ZSCAN20: variants seen among roughly 807,000 people sequenced by gnomAD.
ZSCAN20 encodes zinc finger and SCAN domain-containing protein 20.
ZSCAN20 carries 39 observed loss-of-function variants against 97.1 expected under a neutral mutation model. The observed-to-expected ratio is 0.40, with a 90% CI of 0.31 to 0.52. ZSCAN20 has a LOEUF of 0.52. Among genes scored for constraint, ZSCAN20 ranks in the 20% least tolerant of loss-of-function variants. ZSCAN20 has a pLI of 0.49. For missense variants in ZSCAN20, 1,115 were observed against 1,290.4 expected, an observed-to-expected ratio of 0.86 and a Z score of 2.08; for synonymous variants, 456 against 467.3, an observed-to-expected ratio of 0.98 and a Z score of 0.31.
Position 33,489,568 on chromosome 1 carries a change from C to A in ZSCAN20, c.732C>A (p.Pro244=). ...KHAEKELCKD[P]PGDDCGNSVC... Reference sequence around the variant, plus strand: ...CTGAGAAGGAGCTCTGTAAAGACCCCCCAGGAGACGACTGTGGGAACAGCG... The same window carrying A: ...CTGAGAAGGAGCTCTGTAAAGACCCACCAGGAGACGACTGTGGGAACAGCG... Residue 244 remains proline, a synonymous_variant, in exon 5 of 8, where the codon CCC becomes CCA. Coordinates refer to ENST00000684572, the MANE Select transcript of ZSCAN20 (RefSeq NM_001377376.1). 6.2e-7 allele frequency: 1 copy of A among 1,614,102 alleles called. No homozygotes were observed. Among genetic ancestry groups the A allele is most frequent in the South Asian group, 1.1e-5 (1 of 91,068 alleles).
At position 33,493,788 on chromosome 1, in the gene ZSCAN20, ATCAG is replaced by A. The variant is rs963512255; in HGVS notation, c.1873+189_1873+192del. On this transcript the variant is annotated intron_variant, in intron 7 of 7. Coordinates refer to ENST00000684572, the MANE Select transcript of ZSCAN20 (RefSeq NM_001377376.1). This position sits in a 1 kb window ranked among gnomAD's most constrained non-coding sequence, Gnocchi z 4.3. ...TCTCTAGCTTTGTGTGATCCCCCGA[ATCAG>A]TCAGTCAGTCAGTCATTCTATCTTT... is the stretch of plus-strand genomic sequence containing the variant. Among the ~76,000 whole-genome samples the A allele has an allele frequency of 5.3e-5, 8 of 152,234 alleles. No homozygotes were observed. The highest frequency in any genetic ancestry group is 8.8e-5 in the Non-Finnish European group (6 of 68,038).
Position 33,491,704 on chromosome 1 carries a change from T to C in ZSCAN20, c.1444+2T>C, listed in dbSNP as rs755194461. On this transcript the variant is annotated splice_donor_variant, in intron 6 of 7. Transcript: ENST00000684572. LOFTEE classifies it high-confidence loss of function. The surrounding 1 kb of genome is among the most constrained non-coding windows in gnomAD (Gnocchi z 4.3). ...CAGCTCTGTTCCAGAGTCGTATTGG[T>C]AAGAACATGGGGGTTTAGTCAGATT... 2 of 1,577,078 alleles carry C rather than the reference T, an allele frequency of 1.3e-6. No individual in the cohort carries two copies. Among genetic ancestry groups the C allele is most frequent in the Admixed American group, 3.8e-5 (2 of 52,628 alleles).
At position 33,497,040 on chromosome 1, in the gene ZSCAN20, A is replaced by C. The variant is rs915767761; in HGVS notation, c.*1564A>C. ...CCCCCTCCTGCCATCCTCTTATGAC[A>C]CTAGGATGTATTCATAACCTGCTTG... On this transcript the variant is annotated 3_prime_UTR_variant, in exon 8 of 8. Coordinates refer to ENST00000684572, the MANE Select transcript of ZSCAN20 (RefSeq NM_001377376.1). Among the ~76,000 whole-genome samples the C allele has an allele frequency of 6.6e-6, 1 of 152,198 alleles. No individual in the cohort carries two copies. Among genetic ancestry groups the C allele is most frequent in the Non-Finnish European group, 1.5e-5 (1 of 68,030 alleles).
In ZSCAN20 at chr1:33,479,437, C is replaced by G. The variant is rs1046586930; in HGVS notation, c.149C>G (p.Ser50Cys). 3.1e-6 allele frequency: 5 copies of G among 1,614,112 alleles called. No individual in the cohort carries two copies. The African/African-American group carries it at 4.0e-5, about 13-fold the overall frequency. ...DRGSVSGPEASRQRFRQFQYR... is the reference protein window; with the variant it reads ...DRGSVSGPEACRQRFRQFQYR... ...GGCTCTGTCTCTGGCCCAGAGGCCT[C>G]CCGCCAGCGCTTCAGGCAATTCCAA... Residue 50 changes from serine (S) to cysteine (C), a missense_variant, in exon 2 of 8, where the codon TCC (serine) becomes TGC (cysteine). Ser to Cys is a moderately radical substitution (Grantham distance 112). This residue lies in a region of ZSCAN20 where 508 missense variants were observed against 611.2 expected (regional missense o/e 0.83). Transcript: ENST00000684572.
Position 33,479,686 on chromosome 1 carries a change from C to T in ZSCAN20, c.398C>T (p.Thr133Ile). 6.4e-7 allele frequency: 1 copy of T among 1,573,218 alleles called. No homozygotes were observed. ...VALVEDWHRE[T>I]RTAGQSGLEL... ...TTGGTGGAGGATTGGCACCGAGAGA[C>T]CAGGACTGCAGGACAGTCGGTGAGA... The change falls in exon 2 of 8, where the codon ACC (threonine) becomes ATC (isoleucine). Residue 133 changes from threonine to isoleucine, a missense_variant. Around this residue, in one of 3 missense-constraint regions of ZSCAN20, gnomAD observed 508 missense variants for 611.2 expected, o/e 0.83. Coordinates refer to ENST00000684572, the MANE Select transcript of ZSCAN20 (RefSeq NM_001377376.1).
In ZSCAN20 at chr1:33,499,471, G is replaced by A. The variant is rs1652988094; in HGVS notation, c.*3995G>A. Among the ~76,000 whole-genome samples, 1 of 152,098 alleles carries A rather than the reference G, an allele frequency of 6.6e-6. No individual in the cohort carries two copies. The highest frequency in any genetic ancestry group is 2.4e-5 in the African/African-American group (1 of 41,460). The stretch of plus-strand genomic sequence containing the variant: ...GCCTGCCAACCAGCTGTGCTTGGGT[G>A]ACTCCTGGGCATCTCAAAGCCCCGG... On this transcript the variant is annotated 3_prime_UTR_variant, in exon 8 of 8. Transcript: ENST00000684572.
intron 2 of ZSCAN20, 58 bp downstream of exon 2, chr1:33,479,763 G>C (rs1652075612): frequency 7.0e-7 from 1 of 1,428,024 alleles, no homozygotes; most frequent in African/African-American, 1.4e-5. Flanking sequence ...GCAGGGTTGT[G>C]ACTACGTTAA....
chr1:33,490,860 G>A (rs955005823), intron 5 of ZSCAN20, among the ~76,000 whole-genome samples, 165 bp from the exon 6 acceptor site: 10 of 152,108 alleles, frequency 6.6e-5, no homozygotes, highest in Admixed American at 3.3e-4. Context: ...TATATTGGTC[G>A]TGTTACCTCT....
At chr1:33,473,639 C>T (rs1212666744) in intron 1 of ZSCAN20, among the ~76,000 whole-genome samples, 1 of 152,106 alleles carries the variant, frequency 6.6e-6, no homozygotes, top group Non-Finnish European at 1.5e-5. Flanking sequence ...TCTCCTTGCC[C>T]TTCACCTTCT....
In ZSCAN20 at chr1:33,491,611, A is replaced by T; in HGVS notation, c.1353A>T (p.Ala451=). 1 of 1,614,194 alleles carries T rather than the reference A, an allele frequency of 6.2e-7. No individual in the cohort carries two copies. The highest frequency in any genetic ancestry group is 8.5e-7 in the Non-Finnish European group (1 of 1,180,028). The change falls in exon 6 of 8, where the codon GCA becomes GCT. Residue 451 remains alanine, a synonymous_variant. Transcript: ENST00000684572. The surrounding 1 kb of genome is among the most constrained non-coding windows in gnomAD (Gnocchi z 4.3). ...EEGGWDPEEM[A]EDCNGAGLVN... is the part of the protein sequence containing the mutation. ...GGGGCTGGGATCCTGAAGAAATGGC[A>T]GAAGACTGTAACGGTGCTGGCCTGG...
intron 1 of ZSCAN20, among the ~76,000 whole-genome samples, chr1:33,473,528 T>A (rs2148439432): frequency 6.6e-6 from 1 of 152,238 alleles, no homozygotes; most frequent in Non-Finnish European, 1.5e-5. Flanking sequence ...CTAATCTTCA[T>A]GCACCTCACA....
At position 33,479,625 on chromosome 1, in the gene ZSCAN20, G is replaced by C; in HGVS notation, c.337G>C (p.Ala113Pro). 6.2e-7 allele frequency: 1 copy of C among 1,612,094 alleles called. No homozygotes were observed. The highest frequency in any genetic ancestry group is 1.1e-5 in the South Asian group (1 of 90,858). The stretch of plus-strand genomic sequence containing the variant: ...TAGGGAGGTCCAGACCTGGGTGCAG[G>C]CACGCCACCCTGAGAGTGGTGAGGA... ...LPREVQTWVQ[A>P]RHPESGEEAV... Residue 113 changes from alanine (A) to proline (P), a missense_variant, in exon 2 of 8, where the codon GCA becomes CCA. By Grantham distance (27) the Ala-to-Pro change is conservative. This residue lies in a region of ZSCAN20 where 508 missense variants were observed against 611.2 expected (regional missense o/e 0.83). Coordinates refer to ENST00000684572, the MANE Select transcript of ZSCAN20 (RefSeq NM_001377376.1).
In ZSCAN20 at chr1:33,491,117, A is replaced by C; in HGVS notation, c.859A>C (p.Thr287Pro). 6.2e-7 allele frequency: 1 copy of C among 1,614,100 alleles called. No homozygotes were observed. Among genetic ancestry groups the C allele is most frequent in the Non-Finnish European group, 8.5e-7 (1 of 1,180,022 alleles). Residue 287 changes from threonine to proline, a missense_variant, in exon 6 of 8, where the codon ACT becomes CCT. Coordinates refer to ENST00000684572, the MANE Select transcript of ZSCAN20 (RefSeq NM_001377376.1). This position sits in a 1 kb window ranked among gnomAD's most constrained non-coding sequence, Gnocchi z 4.3. ...TCTTATAAATTCTGGGAAAAGGAGC[A>C]CTGCAGATTACAGCCTGGATAATGA... is the stretch of plus-strand genomic sequence containing the variant. ...LSLINSGKRS[T>P]ADYSLDNEPA...
chr1:33,495,070 G>A lies in ZSCAN20; in HGVS notation c.2726G>A (p.Gly909Glu). The A allele has an allele frequency of 1.2e-6, 2 of 1,612,260 alleles. No homozygotes were observed. Among genetic ancestry groups the A allele is most frequent in the Non-Finnish European group, 1.7e-6 (2 of 1,178,620 alleles). The change falls in exon 8 of 8, where the codon GGG (glycine) becomes GAG (glutamate). Residue 909 changes from glycine to glutamate, a missense_variant. Gly to Glu is a moderately conservative substitution (Grantham distance 98). Around this residue, in one of 3 missense-constraint regions of ZSCAN20, gnomAD observed 554 missense variants for 584.9 expected, o/e 0.95. Coordinates refer to ENST00000684572, the MANE Select transcript of ZSCAN20 (RefSeq NM_001377376.1). ...GEKPYECAEC[G>E]KSFSKSSTLA... Reference sequence around the variant, plus strand: ...AAACCATATGAATGTGCCGAATGTGGGAAAAGCTTCAGTAAGAGCTCCACC... The same window carrying A: ...AAACCATATGAATGTGCCGAATGTGAGAAAAGCTTCAGTAAGAGCTCCACC...
In ZSCAN20 at chr1:33,494,478, T is replaced by C. The variant is rs1652762567; in HGVS notation, c.2134T>C (p.Cys712Arg). 6.2e-7 allele frequency: 1 copy of C among 1,614,172 alleles called. No individual in the cohort carries two copies. Among genetic ancestry groups the C allele is most frequent in the East Asian group, 2.2e-5 (1 of 44,888 alleles). Reference sequence around the variant, plus strand: ...GTACCTTGCAGAGAAACCCTACAAGTGTGACACATGCATGAAGAGCTTCAG... The same window carrying C: ...GTACCTTGCAGAGAAACCCTACAAGCGTGACACATGCATGAAGAGCTTCAG... Reference protein sequence around the residue: ...GLYLAEKPYKCDTCMKSFSRS... With the variant: ...GLYLAEKPYKRDTCMKSFSRS... Residue 712 changes from cysteine to arginine, a missense_variant, in exon 8 of 8, where the codon TGT becomes CGT. Around this residue, in one of 3 missense-constraint regions of ZSCAN20, gnomAD observed 554 missense variants for 584.9 expected, o/e 0.95. Transcript: ENST00000684572.
In ZSCAN20 at chr1:33,489,738, C is replaced by T. The variant is rs997951046; in HGVS notation, c.766+136C>T. 10 of 803,668 alleles carry T rather than the reference C, an allele frequency of 1.2e-5. No individual in the cohort carries two copies. The African/African-American group carries it at 1.6e-4, about 12-fold the overall frequency. The allele number at this position is 803,668 out of a possible 1,614,324, so 49.8% of individuals were successfully genotyped here. The stretch of plus-strand genomic sequence containing the variant: ...TTCAGAAATAGGAAGAAGACTTGCC[C>T]TTTGTAGCCAGCACTCTCATGGCAG... On this transcript the variant is annotated intron_variant, in intron 5 of 7. Coordinates refer to ENST00000684572, the MANE Select transcript of ZSCAN20 (RefSeq NM_001377376.1).
rs1652852399 is a variant in ZSCAN20 at position 33,496,100 on chromosome 1, A to G, written c.*624A>G. 6.6e-6 allele frequency: 1 copy of G among 152,254 alleles called. No homozygotes were observed. The highest frequency in any genetic ancestry group is 1.5e-5 in the Non-Finnish European group (1 of 68,046). 9.4% of individuals were successfully genotyped at this position (152,254 alleles called of 1,614,324 possible). On this transcript the variant is annotated 3_prime_UTR_variant, in exon 8 of 8. Transcript: ENST00000684572. ...CTCATTTAATCTTCACAACGGCCCC[A>G]GGAGATAAGTACTAACTTTCTCCCC...
rs1652973954 is a variant in ZSCAN20 at position 33,499,094 on chromosome 1, C to T, written c.*3618C>T. ...GCGCTCTGGGTAGTCCGTCCTGCCT[C>T]ATCTTGTTCTGGGGCCCCCAGTGGG... is the stretch of plus-strand genomic sequence containing the variant. On this transcript the variant is annotated 3_prime_UTR_variant, in exon 8 of 8. Transcript: ENST00000684572. 6.6e-6 allele frequency among the ~76,000 whole-genome samples: 1 copy of T among 152,338 alleles called. No individual in the cohort carries two copies.
rs762943352 is a variant in ZSCAN20 at position 33,495,525 on chromosome 1, A to G, written c.*49A>G. 1.4e-6 allele frequency: 2 copies of G among 1,404,794 alleles called. No individual in the cohort carries two copies. Among genetic ancestry groups the G allele is most frequent in the South Asian group, 2.0e-5 (1 of 50,936 alleles). 87.0% of individuals were successfully genotyped at this position (1,404,794 alleles called of 1,614,324 possible). A position where few individuals can be genotyped will look rare whatever the true frequency, so the allele number is the denominator to read the frequency against. ...GGAGGACTCAATGTATATATCTTATATCATAAGATGTATGCTAGAGATAAA... is the reference window on the plus strand; with the variant it reads ...GGAGGACTCAATGTATATATCTTATGTCATAAGATGTATGCTAGAGATAAA... On this transcript the variant is annotated 3_prime_UTR_variant, in exon 8 of 8. Coordinates refer to ENST00000684572, the MANE Select transcript of ZSCAN20 (RefSeq NM_001377376.1).
Sources: gnomAD v4.1 joint callset for allele counts (sites outside exome capture counted in the v4.1 genomes callset) on GRCh38, gnomAD v4.1.1 for gene constraint, gnomAD v4.1.1 regional missense constraint, Gnocchi (gnomAD v3.1) non-coding constraint, MANE v1.5 for transcripts, NCBI Gene and HGNC (gene_info 2026-07-23, HGNC 2026-07-21) for gene names.